The following TAPT1 variants were observed in gnomAD, a reference collection of about 807,000 sequenced individuals.
TAPT1 encodes the protein transmembrane anterior posterior transformation protein 1 homolog.
TAPT1 carries 28 observed loss-of-function variants against 65.6 expected under a neutral mutation model. The observed-to-expected ratio is 0.43, with a 90% confidence interval of 0.32 to 0.59. The LOEUF (loss-of-function observed/expected upper bound fraction) is 0.59. Ranked by LOEUF, TAPT1 falls within the 20% of genes least tolerant of loss-of-function variation. The probability of loss-of-function intolerance (pLI) is 0.09; values close to 1 mark genes in which losing one functional copy is unlikely to be tolerated. For synonymous variants in TAPT1, 278 were observed against 245.2 expected, an observed-to-expected ratio of 1.13 and a Z score of -1.25; for missense variants, 563 against 679.9, an observed-to-expected ratio of 0.83 and a Z score of 1.91.
At chr4:16,188,383 TTTC>T in intron 4 of TAPT1, 28 bp from the exon 5 acceptor site, 5 of 1,486,774 alleles carry the variant, frequency 3.4e-6, no homozygotes, top group Non-Finnish European at 3.6e-6. Context: ...TTGTAAGATG[TTTC>T]TTAATATTCC....
At chr4:16,205,090 G>A (rs992052309) in intron 2 of TAPT1, among the ~76,000 whole-genome samples, 1 of 151,668 alleles carries the variant, frequency 6.6e-6, no homozygotes, top group Non-Finnish European at 1.5e-5. Context: ...AAGTAAAAAC[G>A]CCAGCCTCTT....
chr4:16,172,571 A>G (rs1044633557), intron 11 of TAPT1, among the ~76,000 whole-genome samples: 7 of 152,216 alleles, frequency 4.6e-5, no homozygotes, highest in Admixed American at 3.9e-4. Context: ...TGATGTAATA[A>G]GCAAGCTATT....
chr4:16,218,026 C>T (rs1399451639), intron 1 of TAPT1, among the ~76,000 whole-genome samples: 2 of 152,204 alleles, frequency 1.3e-5, no homozygotes, highest in Non-Finnish European at 2.9e-5. Context: ...ACGCAGCCCA[C>T]AAGAATGCCA....
intron 1 of TAPT1, among the ~76,000 whole-genome samples, chr4:16,221,936 T>G (rs2108901517): frequency 6.6e-6 from 1 of 152,330 alleles, no homozygotes; most frequent in African/African-American, 2.4e-5. Flanking sequence ...AAGAACCATT[T>G]CACACAGTAT....
In TAPT1 at chr4:16,176,233, A is replaced by C; in HGVS notation, c.998-5T>G. 1 of 1,474,894 alleles carries C rather than the reference A, an allele frequency of 6.8e-7. No homozygotes were observed. The highest frequency in any genetic ancestry group is 9.1e-7 in the Non-Finnish European group (1 of 1,094,848). 91.4% of individuals were successfully genotyped at this position (1,474,894 alleles called of 1,614,324 possible). The stretch of plus-strand genomic sequence containing the variant: ...GAAACAACACCCAGAGATGATCTGT[A>C]AATAGAAAAAAGAAAAACAACGAAA... On this transcript the variant is annotated splice_polypyrimidine_tract_variant and splice_region_variant and intron_variant, in intron 8 of 13. Coordinates refer to ENST00000405303, the MANE Select transcript of TAPT1 (RefSeq NM_153365.3).
At chr4:16,169,492 T>C (rs1747853927) in intron 12 of TAPT1, among the ~76,000 whole-genome samples, 1 of 152,232 alleles carries the variant, frequency 6.6e-6, no homozygotes, top group South Asian at 2.1e-4. Flanking sequence ...CTTAATGTTT[T>C]TTAATGTCAA....
chr4:16,226,542 G>A (rs1368936747), upstream of TAPT1: 11 of 890,024 alleles, frequency 1.2e-5, no homozygotes, highest in African/African-American at 1.9e-5. Flanking sequence ...CCCGCCCCTC[G>A]CCGGAGCCCG....
rs1385664075 is a variant in TAPT1, at chr4:16,186,883, TAGA to T, written c.749-8_749-6del. ...TTATAAGAATTGCATGCAAAACTAA[TAGA>T]AGGTCAAGGAAAAAACTTAAATTTG... On this transcript the variant is annotated splice_polypyrimidine_tract_variant and splice_region_variant and intron_variant, in intron 5 of 13. Coordinates refer to ENST00000405303, the MANE Select transcript of TAPT1 (RefSeq NM_153365.3). The T allele has an allele frequency of 5.7e-6, 9 of 1,588,146 alleles. No individual in the cohort carries two copies. In the East Asian group the frequency reaches 6.7e-5, roughly 12 times the overall value.
intron 8 of TAPT1, among the ~76,000 whole-genome samples, chr4:16,178,352 T>A (rs575390138): frequency 6.6e-6 from 1 of 152,356 alleles, no homozygotes; most frequent in Non-Finnish European, 1.5e-5. Flanking sequence ...TTTATATGTT[T>A]TTGATTTTTC....
At chr4:16,183,530 C>T (rs1422167829) in intron 7 of TAPT1, among the ~76,000 whole-genome samples, 2 of 152,018 alleles carry the variant, frequency 1.3e-5, no homozygotes, top group Non-Finnish European at 2.9e-5. Context: ...ACATGCTGGC[C>T]ATAAGGTTAA....
rs939457459 is a variant in TAPT1, at chr4:16,160,681, C to A, written c.*2627G>T. On this transcript the variant is annotated 3_prime_UTR_variant, in exon 14 of 14. Coordinates refer to ENST00000405303, the MANE Select transcript of TAPT1 (RefSeq NM_153365.3). ...CCACCACTTAGAACAGTTTCTGACA[C>A]ATAGGAAGTGATTAACAAATCTTTG... 3 of 152,180 alleles carry A rather than the reference C, an allele frequency of 2.0e-5. No homozygotes were observed. The highest frequency in any genetic ancestry group is 7.2e-5 in the African/African-American group (3 of 41,434). The allele number at this position is 152,180 out of a possible 1,614,324, so 9.4% of individuals were successfully genotyped here.
At chr4:16,194,568 C>T (rs1198000103) in intron 3 of TAPT1, among the ~76,000 whole-genome samples, 1 of 152,182 alleles carries the variant, frequency 6.6e-6, no homozygotes, top group Non-Finnish European at 1.5e-5. Flanking sequence ...TACTTTATCA[C>T]TGTACCGCAA....
intron 4 of TAPT1, chr4:16,189,962 G>C (rs1198970131): frequency 1.3e-5 from 2 of 152,302 alleles, no homozygotes; most frequent in Non-Finnish European, 2.9e-5. Context: ...ATGAGGCCTA[G>C]GCTCTTTCTA....
chr4:16,169,448 G>A (rs535086097), intron 12 of TAPT1, among the ~76,000 whole-genome samples: 1 of 152,290 alleles, frequency 6.6e-6, no homozygotes, highest in Non-Finnish European at 1.5e-5. Flanking sequence ...AACATTGAGG[G>A]GCGGTGTGAG....
chr4:16,223,980 A>T (rs914939386), intron 1 of TAPT1, among the ~76,000 whole-genome samples: 2 of 152,180 alleles, frequency 1.3e-5, no homozygotes, highest in African/African-American at 2.4e-5. Flanking sequence ...CCACCAAGAC[A>T]CTAAGATTAT....
At chr4:16,193,202 C>T (rs1335996237) in intron 3 of TAPT1, among the ~76,000 whole-genome samples, 1 of 152,112 alleles carries the variant, frequency 6.6e-6, no homozygotes, top group Non-Finnish European at 1.5e-5. Context: ...TCACGAAGGG[C>T]TAAAGGTGGC....
intron 3 of TAPT1, 124 bp downstream of exon 3, chr4:16,202,338 G>A (rs1359594550): frequency 3.8e-6 from 2 of 527,482 alleles, no homozygotes; most frequent in Admixed American, 3.5e-5. Context: ...AAGGTAAACA[G>A]TTTATGCATG....
At chr4:16,183,257 A>G (rs1230518958) in intron 7 of TAPT1, 4 of 152,212 alleles carry the variant, frequency 2.6e-5, no homozygotes, top group Non-Finnish European at 4.4e-5. Context: ...AAAGGGTACA[A>G]TGCGGACCAC....
intron 2 of TAPT1, among the ~76,000 whole-genome samples, chr4:16,206,629 C>T (rs1454666415): frequency 6.6e-6 from 1 of 152,022 alleles, no homozygotes; most frequent in Non-Finnish European, 1.5e-5. Flanking sequence ...GCACGAAGCA[C>T]CACAGCAGGC....
Sources: allele counts gnomAD v4.1 joint callset (sites outside exome capture counted in the v4.1 genomes callset), GRCh38; gene constraint gnomAD v4.1.1; transcripts MANE v1.5; gene names NCBI Gene and HGNC (gene_info 2026-07-23, HGNC 2026-07-21).